The following SETBP1 variants were observed in gnomAD, a reference collection of about 807,000 sequenced individuals.
SETBP1 encodes the protein SET-binding protein.
In SETBP1, 9 loss-of-function variants were observed where a neutral mutation model predicts 101.0. The observed-to-expected ratio is 0.09, with a 90% confidence interval of 0.05 to 0.16. SETBP1 has a LOEUF of 0.16. Ranked by LOEUF, SETBP1 falls within the 10% of genes least tolerant of loss-of-function variation. SETBP1 has a pLI of 1.00. For missense variants in SETBP1, 1,858 were observed against 2,033.8 expected (o/e 0.91, Z 1.66); for synonymous variants, 818 against 788.5 (o/e 1.04, Z -0.63).
chr18:44,746,931 G>T (rs1293599985), intron 2 of SETBP1, among the ~76,000 whole-genome samples: 1 of 152,158 alleles, frequency 6.6e-6, no homozygotes, highest in Non-Finnish European at 1.5e-5. Context: ...GAACAGGTAG[G>T]GTGTGCTATG....
At chr18:44,856,120 G>A (rs2144611625) in intron 2 of SETBP1, among the ~76,000 whole-genome samples, 1 of 149,654 alleles carries the variant, frequency 6.7e-6, no homozygotes, top group Non-Finnish European at 1.5e-5. Context: ...AGATCATGAA[G>A]GTTAAAAAAA....
At chr18:44,684,165 G>A (rs2068800685) in intron 1 of SETBP1, among the ~76,000 whole-genome samples, 1 of 152,156 alleles carries the variant, frequency 6.6e-6, no homozygotes, top group African/African-American at 2.4e-5. Flanking sequence ...CCTATCCTGT[G>A]GCATATGTTG....
rs558557251 is a variant in SETBP1, at chr18:44,804,409, A to G, written c.487-64821A>G. Reference sequence around the variant, plus strand: ...GCAGATATTTTCCTGAAGAGATATGAATTTTTGTAAACTGTAGAGTCCGTG... The same window carrying G: ...GCAGATATTTTCCTGAAGAGATATGGATTTTTGTAAACTGTAGAGTCCGTG... On this transcript the variant is annotated intron_variant, in intron 2 of 5. Transcript: ENST00000649279. Among the ~76,000 whole-genome samples the G allele has an allele frequency of 7.2e-5, 11 of 152,224 alleles. No homozygotes were observed. The South Asian group carries it at 1.9e-3, about 26-fold the overall frequency.
chr18:44,821,739 C>A (rs137938030), intron 2 of SETBP1, among the ~76,000 whole-genome samples: 15 of 152,238 alleles, frequency 9.9e-5, no homozygotes, highest in African/African-American at 3.4e-4. Context: ...GTTATTGCAG[C>A]GGGAAAGAAA....
chr18:44,825,125 T>C (rs2072207321), intron 2 of SETBP1, among the ~76,000 whole-genome samples: 1 of 152,408 alleles, frequency 6.6e-6, no homozygotes, highest in African/African-American at 2.4e-5. Flanking sequence ...TTTCAAGTTA[T>C]GGTGCTAGAC....
chr18:45,035,808 A>G (rs1036920429), intron 4 of SETBP1, among the ~76,000 whole-genome samples: 2 of 152,170 alleles, frequency 1.3e-5, no homozygotes, highest in East Asian at 1.9e-4. Flanking sequence ...GCCTCCATCC[A>G]TTCGGTGGGA....
At chr18:44,985,457 A>C (rs969998981) in intron 4 of SETBP1, among the ~76,000 whole-genome samples, 4 of 152,328 alleles carry the variant, frequency 2.6e-5, no homozygotes, top group Middle Eastern at 3.4e-3. Flanking sequence ...TATAATAGTA[A>C]TAATAATTCT....
At chr18:44,812,587 T>C (rs1406042553) in intron 2 of SETBP1, among the ~76,000 whole-genome samples, 1 of 152,288 alleles carries the variant, frequency 6.6e-6, no homozygotes, top group Non-Finnish European at 1.5e-5. Flanking sequence ...ATGTGGACAG[T>C]GCAAAAGGGA....
intron 2 of SETBP1, among the ~76,000 whole-genome samples, chr18:44,726,828 G>T (rs934391904): frequency 1.3e-5 from 2 of 152,154 alleles, no homozygotes; most frequent in African/African-American, 4.8e-5. Context: ...AGCCCAAGAT[G>T]AAAGGGCTGG....
At chr18:44,765,785 A>G (rs1019439499) in intron 2 of SETBP1, among the ~76,000 whole-genome samples, 2 of 152,240 alleles carry the variant, frequency 1.3e-5, no homozygotes, top group Non-Finnish European at 2.9e-5. Flanking sequence ...TGAAAGTAAA[A>G]GGAAGAATTA....
intron 2 of SETBP1, among the ~76,000 whole-genome samples, chr18:44,846,117 C>T (rs1278873025): frequency 6.6e-6 from 1 of 152,176 alleles, no homozygotes; most frequent in East Asian, 1.9e-4. Context: ...TGCAGTCTCT[C>T]CTCTCAGAGA....
At chr18:44,927,769 A>G (rs1019387569) in intron 3 of SETBP1, among the ~76,000 whole-genome samples, 2 of 152,180 alleles carry the variant, frequency 1.3e-5, no homozygotes, top group Non-Finnish European at 2.9e-5. Context: ...AACTGTTGCC[A>G]AAAGGGATGT....
At chr18:44,691,624 G>A (rs2068935537) in intron 1 of SETBP1, among the ~76,000 whole-genome samples, 1 of 152,160 alleles carries the variant, frequency 6.6e-6, no homozygotes, top group Non-Finnish European at 1.5e-5. Context: ...GGTCTCAGAA[G>A]TTTCATCTCC....
chr18:44,924,135 C>A (rs1226057872), intron 3 of SETBP1, among the ~76,000 whole-genome samples: 6 of 152,102 alleles, frequency 3.9e-5, no homozygotes, highest in Non-Finnish European at 4.4e-5. Flanking sequence ...AGATGTGGGA[C>A]CCTTGAGACT....
chr18:44,748,030 A>T (rs1351371371), intron 2 of SETBP1, among the ~76,000 whole-genome samples: 1 of 152,118 alleles, frequency 6.6e-6, no homozygotes, highest in Non-Finnish European at 1.5e-5. Flanking sequence ...TGGGGTGGGG[A>T]GGCTGGCAGT....
chr18:45,022,854 A>G (rs2073097474), intron 4 of SETBP1, among the ~76,000 whole-genome samples: 1 of 152,210 alleles, frequency 6.6e-6, no homozygotes, highest in African/African-American at 2.4e-5. Context: ...AGAATAAATA[A>G]AATTAGCATT....
intron 4 of SETBP1, among the ~76,000 whole-genome samples, chr18:44,980,090 C>T (rs1032719995): frequency 6.6e-6 from 1 of 151,976 alleles, no homozygotes; most frequent in African/African-American, 2.4e-5. Context: ...TCTGTGGAAC[C>T]GGACAATAAG....
chr18:44,691,738 A>T (rs958998946), intron 1 of SETBP1, among the ~76,000 whole-genome samples: 3 of 152,156 alleles, frequency 2.0e-5, no homozygotes, highest in Non-Finnish European at 2.9e-5. Flanking sequence ...AGTCAGCAGA[A>T]TCTGATAAAA....
At chr18:44,883,410 G>T (rs920987464) in intron 3 of SETBP1, among the ~76,000 whole-genome samples, 2 of 152,168 alleles carry the variant, frequency 1.3e-5, no homozygotes, top group African/African-American at 4.8e-5. Flanking sequence ...TTTAAAATAA[G>T]TATATGCTAT....
Sources: gnomAD v4.1 joint callset for allele counts (sites outside exome capture counted in the v4.1 genomes callset) on GRCh38, gnomAD v4.1.1 for gene constraint, MANE v1.5 for transcripts, NCBI Gene and HGNC (gene_info 2026-07-23, HGNC 2026-07-21) for gene names.